Variants in WNT5B observed in about 807,000 individuals in gnomAD.
WNT5B encodes the protein Wnt family member 5B.
In WNT5B, 18 loss-of-function variants were observed where a neutral mutation model predicts 36.5. The ratio of observed to expected loss-of-function variants is 0.49; its 90% confidence interval spans 0.34 to 0.73. WNT5B has a LOEUF of 0.73. Among genes scored for constraint, WNT5B ranks in the 30% least tolerant of loss-of-function variants. WNT5B has a pLI of 0.01. For synonymous variants in WNT5B, 213 were observed against 212.3 expected (o/e 1.00, Z -0.03); for missense variants, 424 against 508.4 (o/e 0.83, Z 1.60).
chr12:1,627,196 G>A (rs12424889), upstream of WNT5B, among the ~76,000 whole-genome samples: 7,610 of 152,242 alleles, frequency 0.05, 597 homozygotes, highest in African/African-American at 0.17. The surrounding 1 kb of genome is among the most constrained non-coding windows in gnomAD (Gnocchi z 5.0). Flanking sequence ...GGAAGGTGTG[G>A]CCTCAGTGAC....
chr12:1,625,251 G>C (rs139273529), upstream of WNT5B, among the ~76,000 whole-genome samples: 2,170 of 152,252 alleles, frequency 0.014, 22 homozygotes, highest in Non-Finnish European at 0.021. Flanking sequence ...AGGGAAAACT[G>C]GTATTGTGTC....
chr12:1,638,176 G>A lies in WNT5B; in HGVS notation c.329-1508G>A, dbSNP rs190701100. Among the ~76,000 whole-genome samples the A allele has an allele frequency of 3.0e-3, 451 of 152,310 alleles. 2 individuals are homozygous for A. The highest frequency in any genetic ancestry group is 0.01 in the African/African-American group (422 of 41,554). On this transcript the variant is annotated intron_variant, in intron 3 of 4. Coordinates refer to ENST00000397196, the MANE Select transcript of WNT5B (RefSeq NM_032642.3). The stretch of plus-strand genomic sequence containing the variant: ...CAGGAGAATGGCGTGAACCCGTGAG[G>A]CGGAGCTTGCGGTGAGCCGAGATTG...
chr12:1,628,137 A>T (rs1215144265), upstream of WNT5B, among the ~76,000 whole-genome samples: 1 of 150,746 alleles, frequency 6.6e-6, no homozygotes, highest in Non-Finnish European at 1.5e-5. Flanking sequence ...ACTACTACTA[A>T]AGAATAGAGA....
chr12:1,643,250 G>T (rs963397573), intron 4 of WNT5B, among the ~76,000 whole-genome samples: 7 of 152,158 alleles, frequency 4.6e-5, no homozygotes, highest in Non-Finnish European at 8.8e-5. Flanking sequence ...CCAGATAAAA[G>T]CCTGGTGCCT....
intron 4 of WNT5B, among the ~76,000 whole-genome samples, chr12:1,645,305 C>T (rs137900983): frequency 2.0e-4 from 30 of 152,358 alleles, no homozygotes; most frequent in African/African-American, 6.5e-4. Flanking sequence ...GTGGCACAAG[C>T]ATAGCTTGCT....
chr12:1,618,293 G>T lies in WNT5B; in HGVS notation c.-58+1150G>T, dbSNP rs145477895. On this transcript the variant is annotated intron_variant, in intron 1 of 4. Transcript: ENST00000310594. The surrounding 1 kb of genome is among the most constrained non-coding windows in gnomAD (Gnocchi z 4.1). ...AAGACACATTTTTATTCTAATTAGC[G>T]CATGGCATAGAGAGAGGTTATCCAC... 6.6e-6 allele frequency among the ~76,000 whole-genome samples: 1 copy of T among 152,154 alleles called. No individual in the cohort carries two copies. The highest frequency in any genetic ancestry group is 1.5e-5 in the Non-Finnish European group (1 of 68,040).
intron 4 of WNT5B, among the ~76,000 whole-genome samples, chr12:1,641,687 C>T (rs1357855710): frequency 1.3e-5 from 2 of 151,890 alleles, no homozygotes; most frequent in African/African-American, 4.8e-5. Context: ...GCTTGTAATC[C>T]CAGCTACTTG....
intron 1 of WNT5B, 42 bp from the exon 2 acceptor site, chr12:1,631,256 C>A: frequency 6.4e-7 from 1 of 1,552,022 alleles, no homozygotes; most frequent in Non-Finnish European, 8.7e-7. Flanking sequence ...TGCCCTTATC[C>A]GCTGAGTTTC....
Position 1,630,257 on chromosome 12 carries a change from G to A in WNT5B, c.-58+886G>A. The A allele has an allele frequency of 2.0e-6, 2 of 984,526 alleles. No individual in the cohort carries two copies. Among genetic ancestry groups the A allele is most frequent in the Non-Finnish European group, 1.2e-6 (1 of 829,118 alleles). 61.0% of individuals were successfully genotyped at this position (984,526 alleles called of 1,614,324 possible). A position where few individuals can be genotyped will look rare whatever the true frequency, so the allele number is the denominator to read the frequency against. On this transcript the variant is annotated intron_variant, in intron 1 of 4. Transcript: ENST00000397196. This position sits in a 1 kb window ranked among gnomAD's most constrained non-coding sequence, Gnocchi z 5.3. ...GGGCCCCGGGGAGGCCGCTGGGGGC[G>A]CGGGTCACGCCCAGACGGGGGCCCC...
At chr12:1,640,020 G>T in intron 4 of WNT5B, 44 bp downstream of exon 4, 1 of 1,568,804 alleles carries the variant, frequency 6.4e-7, no homozygotes, top group Non-Finnish European at 8.6e-7. Context: ...CAGACCTAGG[G>T]GGCTGTTCCC....
At position 1,633,944 on chromosome 12, in the gene WNT5B, G is replaced by A. The variant is rs560787910; in HGVS notation, c.328+1039G>A. 1.7e-4 allele frequency among the ~76,000 whole-genome samples: 26 copies of A among 152,288 alleles called. No homozygotes were observed. Among genetic ancestry groups the A allele is most frequent in the Admixed American group, 1.3e-3 (20 of 15,298 alleles). ...AGTAATGCCCAATGCAGTAGCTCAC[G>A]CCTGTAATCCCAGCACCTTGGGAGG... On this transcript the variant is annotated intron_variant, in intron 3 of 4. Coordinates refer to ENST00000397196, the MANE Select transcript of WNT5B (RefSeq NM_032642.3). The surrounding 1 kb of genome is among the most constrained non-coding windows in gnomAD (Gnocchi z 4.8).
chr12:1,629,958 C>A, intron 1 of WNT5B: 1 of 182,346 alleles, frequency 5.5e-6, no homozygotes, highest in Non-Finnish European at 1.0e-5. Context: ...CTTTGATCTG[C>A]CCCCTGCCGG....
intron 3 of WNT5B, 42 bp from the exon 4 acceptor site, chr12:1,639,642 G>A: frequency 6.9e-7 from 1 of 1,454,654 alleles, no homozygotes; most frequent in South Asian, 1.4e-5. Flanking sequence ...GTCCCCGGGA[G>A]AGGAGAGCGC....
At chr12:1,631,167 G>A in intron 1 of WNT5B, 131 bp from the exon 2 acceptor site, 1 of 765,150 alleles carries the variant, frequency 1.3e-6, no homozygotes, top group Non-Finnish European at 2.0e-6. Context: ...AGGCTGGAAA[G>A]AGGCCGAGCT....
chr12:1,620,705 AT>A (rs746469978), intron 1 of WNT5B, among the ~76,000 whole-genome samples: 29,115 of 104,974 alleles, frequency 0.28, 3,351 homozygotes, highest in Middle Eastern at 0.39. Flanking sequence ...CACCCAGCAA[AT>A]TTTTTTTTTT....
chr12:1,645,661 A>T (rs1283392433), intron 4 of WNT5B, 133 bp from the exon 5 acceptor site: 1 of 783,864 alleles, frequency 1.3e-6, no homozygotes, highest in African/African-American at 1.7e-5. Context: ...AGATCTTTGC[A>T]TGCATTTGAA....
upstream of WNT5B, among the ~76,000 whole-genome samples, chr12:1,625,287 G>A (rs180726484): frequency 1.0e-3 from 159 of 152,288 alleles, no homozygotes; most frequent in African/African-American, 3.3e-3. Flanking sequence ...GTGAGACCAC[G>A]AAGAACTACT....
rs2094585666 is a variant in WNT5B, at chr12:1,646,316, T to G, written c.*64T>G. Reference sequence around the variant, plus strand: ...CACAAAGGTCTATATTATATAAATCTATATAAATCTATTTTATATTTGTAT... The same window carrying G: ...CACAAAGGTCTATATTATATAAATCGATATAAATCTATTTTATATTTGTAT... On this transcript the variant is annotated 3_prime_UTR_variant, in exon 5 of 5. Coordinates refer to ENST00000397196, the MANE Select transcript of WNT5B (RefSeq NM_032642.3). 1 of 1,259,828 alleles carries G rather than the reference T, an allele frequency of 7.9e-7. No homozygotes were observed. Among genetic ancestry groups the G allele is most frequent in the Non-Finnish European group, 1.0e-6 (1 of 963,938 alleles). 78.0% of individuals were successfully genotyped at this position (1,259,828 alleles called of 1,614,324 possible).
exon 1 of WNT5B, chr12:1,617,068 T>C (rs972572508): frequency 6.6e-6 from 1 of 152,144 alleles, no homozygotes; most frequent in Non-Finnish European, 1.5e-5. Context: ...TTCTTCCAAA[T>C]GGAAACTGCT....
Sources: gnomAD v4.1 joint callset for allele counts (sites outside exome capture counted in the v4.1 genomes callset) on GRCh38, gnomAD v4.1.1 for gene constraint, Gnocchi (gnomAD v3.1) non-coding constraint, MANE v1.5 for transcripts, NCBI Gene and HGNC (gene_info 2026-07-23, HGNC 2026-07-21) for gene names.